ZNF75D: variants seen among roughly 807,000 people sequenced by gnomAD.
The protein encoded by ZNF75D is zinc finger protein 75.
Under a neutral mutation model 33.3 loss-of-function variants are expected in ZNF75D, and 33 were observed. The ratio of observed to expected loss-of-function variants is 0.99; its 90% CI spans 0.75 to 1.32. The LOEUF is 1.32. Ranked by LOEUF, ZNF75D falls within the 40% of genes most tolerant of loss-of-function variation. ZNF75D has a pLI of 0.00. For synonymous variants in ZNF75D, 113 were observed against 130.6 expected, an observed-to-expected ratio of 0.87 and a Z score of 0.92; for missense variants, 338 against 367.5, an observed-to-expected ratio of 0.92 and a Z score of 0.66.
At chrX:135,275,606 C>T (rs2083896827) in intron 1 of ZNF75D, among the ~76,000 whole-genome samples, 1 of 110,318 alleles carries the variant, frequency 9.1e-6, no homozygotes. Flanking sequence ...TGTTTATTTT[C>T]CTCTGGCGTT....
chrX:135,322,040 G>C (rs1460023098), intron 1 of ZNF75D, among the ~76,000 whole-genome samples: 1 of 112,123 alleles, frequency 8.9e-6, no homozygotes, highest in African/African-American at 3.2e-5. Flanking sequence ...TTACCCTCTA[G>C]TGGTGTTGAC....
chrX:135,325,380 C>T (rs12836770), intron 1 of ZNF75D, among the ~76,000 whole-genome samples: 33,190 of 109,637 alleles, frequency 0.3, 4,380 homozygotes, highest in Non-Finnish European at 0.42. Flanking sequence ...TTCAGCCCAC[C>T]GCTGCACTGT....
chrX:135,334,634 C>T (rs1199995737), intron 1 of ZNF75D, among the ~76,000 whole-genome samples: 1 of 110,675 alleles, frequency 9.0e-6, no homozygotes, highest in African/African-American at 3.3e-5. Flanking sequence ...GGCTGCCCTA[C>T]TCTCTCTCAC....
chrX:135,256,257 G>A (rs1240862222), intron 1 of ZNF75D, among the ~76,000 whole-genome samples: 1 of 84,761 alleles, frequency 1.2e-5, no homozygotes, highest in Non-Finnish European at 2.3e-5. Flanking sequence ...AGGTAGTCTG[G>A]AACCACCAAT....
At chrX:135,288,286 G>GT (rs1329968250) in intron 6 of ZNF75D, among the ~76,000 whole-genome samples, 3 of 112,320 alleles carry the variant, frequency 2.7e-5, no homozygotes, top group Non-Finnish European at 5.6e-5. Context: ...CCAATGTGCA[G>GT]TTGGTCTTGG....
chrX:135,343,407 C>G lies in ZNF75D; in HGVS notation c.-2030G>C, dbSNP rs1556445904. The G allele has an allele frequency of 7.1e-6, 1 of 140,468 alleles. No homozygotes were observed. The highest frequency in any genetic ancestry group is 6.3e-5 in the Admixed American group (1 of 15,771). 11.6% of individuals were successfully genotyped at this position (140,468 alleles called of 1,213,427 possible). ...AGGATAGTCAGGAACTCCTCCAACA[C>G]CAGCAACTCCAGAATCTGCTCCATG... On this transcript the variant is annotated 5_prime_UTR_variant, in exon 1 of 7. Transcript: ENST00000370766.
chrX:135,313,262 T>C (rs5930686), intron 1 of ZNF75D, among the ~76,000 whole-genome samples: 27,697 of 111,005 alleles, frequency 0.25, 2,795 homozygotes, highest in South Asian at 0.43. Flanking sequence ...ATTTCCTCAG[T>C]GCATGTTGTT....
At chrX:135,292,931 A>G (rs2084067710) in intron 3 of ZNF75D, among the ~76,000 whole-genome samples, 1 of 112,969 alleles carries the variant, frequency 8.9e-6, no homozygotes, top group African/African-American at 3.2e-5. Flanking sequence ...AGAATTTCAC[A>G]GGGAATGGAG....
intron 6 of ZNF75D, 96 bp from the exon 7 acceptor site, chrX:135,287,942 A>T (rs945696917): frequency 4.4e-6 from 3 of 688,469 alleles, no homozygotes. Context: ...TTTAAAAGAA[A>T]TACAGGAACA....
chrX:135,262,158 A>G (rs2083845247), intron 1 of ZNF75D, among the ~76,000 whole-genome samples: 1 of 112,013 alleles, frequency 8.9e-6, no homozygotes, highest in African/African-American at 3.2e-5. Context: ...CTTCCGAGAG[A>G]TCCACTGTTA....
chrX:135,270,415 A>G (rs1339041138), intron 1 of ZNF75D, among the ~76,000 whole-genome samples: 1 of 98,626 alleles, frequency 1.0e-5, no homozygotes, highest in Non-Finnish European at 2.0e-5. Flanking sequence ...ACATACCTAT[A>G]TACATATATA....
chrX:135,296,139 T>C (rs187380771), intron 1 of ZNF75D, 100 bp from the exon 2 acceptor site: 15 of 110,792 alleles, frequency 1.4e-4, no homozygotes, highest in African/African-American at 4.6e-4. Context: ...AGTCTCAGCC[T>C]AGCCAAGTTA....
At chrX:135,280,893 C>T (rs1455559082), downstream of ZNF75D, among the ~76,000 whole-genome samples, 6 of 111,727 alleles carry the variant, frequency 5.4e-5, no homozygotes, top group Admixed American at 9.5e-5. Flanking sequence ...GTGGGTAGTC[C>T]GACCTTTCTC....
intron 3 of ZNF75D, among the ~76,000 whole-genome samples, chrX:135,249,551 T>C (rs2083773311): frequency 1.9e-5 from 2 of 107,954 alleles, no homozygotes; most frequent in African/African-American, 6.7e-5. Context: ...CATTCACCAA[T>C]ACTACAGAGT....
Position 135,322,662 on chromosome X carries a change from G to A in ZNF75D, c.-391+19106C>T, listed in dbSNP as rs1197531610. Among the ~76,000 whole-genome samples the A allele has an allele frequency of 5.3e-5, 6 of 112,154 alleles. No homozygotes were observed. In the Admixed American group the frequency reaches 5.6e-4, roughly 11 times the overall value. ...ATTTGCCTGCATAATTTCAACTGGT[G>A]GAGATGAGGTAGTGTGCGCAGGGTC... is the stretch of plus-strand genomic sequence containing the variant. On this transcript the variant is annotated intron_variant, in intron 1 of 6. Coordinates refer to ENST00000370766, the MANE Select transcript of ZNF75D (RefSeq NM_007131.5).
Position 135,290,986 on chromosome X carries a change from C to A in ZNF75D, c.823+23G>T, listed in dbSNP as rs782680734. 4 of 1,198,960 alleles carry A rather than the reference C, an allele frequency of 3.3e-6. No homozygotes were observed. The South Asian group carries it at 7.2e-5, about 22-fold the overall frequency. On this transcript the variant is annotated intron_variant, in intron 6 of 6. Transcript: ENST00000370766. Reference sequence around the variant, plus strand: ...CATAATATATTACTTAACTTCTACACAATGGGAAGGAAGAATCTTTACCTA... The same window carrying A: ...CATAATATATTACTTAACTTCTACAAAATGGGAAGGAAGAATCTTTACCTA...
intron 1 of ZNF75D, among the ~76,000 whole-genome samples, chrX:135,262,291 G>A (rs924684127): frequency 1.8e-5 from 2 of 111,374 alleles, no homozygotes; most frequent in African/African-American, 6.5e-5. Flanking sequence ...TCTTCTCCTG[G>A]AGTATCTTTG....
intron 1 of ZNF75D, among the ~76,000 whole-genome samples, chrX:135,278,167 G>C (rs782597376): frequency 1.3e-4 from 15 of 111,227 alleles, no homozygotes; most frequent in African/African-American, 4.2e-4. Context: ...TTATTTCCTT[G>C]ACCAGTGGTT....
chrX:135,282,995 C>G (rs2083926267), downstream of ZNF75D, among the ~76,000 whole-genome samples: 1 of 112,091 alleles, frequency 8.9e-6, no homozygotes, highest in Admixed American at 9.5e-5. Context: ...AAGTCTCACA[C>G]TGAGATACAC....
Sources: allele counts gnomAD v4.1 joint callset (sites outside exome capture counted in the v4.1 genomes callset), GRCh38; gene constraint gnomAD v4.1.1; transcripts MANE v1.5; gene names NCBI Gene and HGNC (gene_info 2026-07-23, HGNC 2026-07-21).